RAB28: variants seen among roughly 807,000 people sequenced by gnomAD.
RAB28 encodes RAB28, member RAS oncogene family, also known as ras-related protein Rab-28.
In RAB28, 24 loss-of-function variants were observed where a neutral mutation model predicts 31.7. The observed-to-expected ratio is 0.76, with a 90% CI of 0.55 to 1.06. The LOEUF (loss-of-function observed/expected upper bound fraction) is 1.06. Ranked by LOEUF, RAB28 falls within the 50% of genes least tolerant of loss-of-function variation. The pLI, the probability that RAB28 is intolerant of heterozygous loss-of-function variation, is 0.00. For synonymous variants in RAB28, 100 were observed against 90.4 expected (o/e 1.11, Z -0.60); for missense variants, 254 against 258.5 (o/e 0.98, Z 0.12).
intron 4 of RAB28, among the ~76,000 whole-genome samples, chr4:13,450,441 C>T (rs914347428): frequency 6.6e-6 from 1 of 151,768 alleles, no homozygotes; most frequent in African/African-American, 2.4e-5. Context: ...TAATGGATTC[C>T]CTATATCTAC....
intron 6 of RAB28, among the ~76,000 whole-genome samples, chr4:13,373,354 G>T (rs1458751577): frequency 6.6e-6 from 1 of 152,130 alleles, no homozygotes; most frequent in Non-Finnish European, 1.5e-5. Context: ...AGAGGATAAT[G>T]GTTGGTAGTG....
chr4:13,484,183 T>TGG lies in RAB28; in HGVS notation c.-35_-34dup. ...CGGGAACCAGGCCCGCCCCTCGAGG[T>TGG]GGGGGGGGAAGGGAAGGATGAAGGC... On this transcript the variant is annotated 5_prime_UTR_variant, in exon 1 of 7. Coordinates refer to ENST00000330852, the MANE Select transcript of RAB28 (RefSeq NM_001017979.3). 7.5e-7 allele frequency: 1 copy of TGG among 1,341,818 alleles called. No individual in the cohort carries two copies. The highest frequency in any genetic ancestry group is 2.9e-5 in the East Asian group (1 of 34,586). The allele number at this position is 1,341,818 out of a possible 1,614,324, so 83.1% of individuals were successfully genotyped here. A position where few individuals can be genotyped will look rare whatever the true frequency, so the allele number is the denominator to read the frequency against.
chr4:13,467,497 A>G (rs1002357525), intron 3 of RAB28, among the ~76,000 whole-genome samples: 2 of 151,976 alleles, frequency 1.3e-5, no homozygotes, highest in African/African-American at 2.4e-5. Flanking sequence ...AAGTGAGATG[A>G]ATGACAGCCA....
At position 13,368,112 on chromosome 4, in the gene RAB28, A is replaced by T; in HGVS notation, c.*446T>A. On this transcript the variant is annotated 3_prime_UTR_variant, in exon 7 of 7. Transcript: ENST00000330852. Reference sequence around the variant, plus strand: ...AATGTCTTCATAAGTATCTGTAGGTAAAATATATTACTTGCTTAATGTTTG... The same window carrying T: ...AATGTCTTCATAAGTATCTGTAGGTTAAATATATTACTTGCTTAATGTTTG... The T allele has an allele frequency of 1.0e-6, 1 of 983,052 alleles. No homozygotes were observed. Among genetic ancestry groups the T allele is most frequent in the Non-Finnish European group, 1.2e-6 (1 of 827,738 alleles). The allele number at this position is 983,052 out of a possible 1,614,324, so 60.9% of individuals were successfully genotyped here. A position where few individuals can be genotyped will look rare whatever the true frequency, so the allele number is the denominator to read the frequency against.
chr4:13,427,019 CAGG>C (rs1368081079), intron 4 of RAB28, among the ~76,000 whole-genome samples: 4 of 152,088 alleles, frequency 2.6e-5, no homozygotes, highest in Admixed American at 6.6e-5. Context: ...TGCCTGAAAT[CAGG>C]AGGTGTATAG....
At chr4:13,457,601 AAAAAG>A (rs1715364373) in intron 4 of RAB28, among the ~76,000 whole-genome samples, 3 of 149,112 alleles carry the variant, frequency 2.0e-5, no homozygotes, top group South Asian at 2.1e-4. Context: ...CCAAAAGTAA[AAAAAG>A]AAAAAAGAAA....
At chr4:13,449,674 T>C (rs1714865301) in intron 4 of RAB28, among the ~76,000 whole-genome samples, 2 of 151,892 alleles carry the variant, frequency 1.3e-5, no homozygotes, top group South Asian at 2.1e-4. Flanking sequence ...GTCATGAAGA[T>C]TGTTTAAAAA....
At chr4:13,385,085 T>G (rs1219642152) in intron 4 of RAB28, among the ~76,000 whole-genome samples, 2 of 152,120 alleles carry the variant, frequency 1.3e-5, no homozygotes, top group Non-Finnish European at 2.9e-5. Context: ...GCAGAATAGA[T>G]CAACCTTAGG....
chr4:13,469,733 G>A (rs1488960161), intron 3 of RAB28, among the ~76,000 whole-genome samples: 1 of 151,970 alleles, frequency 6.6e-6, no homozygotes, highest in Non-Finnish European at 1.5e-5. Context: ...GTCTTGCTCT[G>A]TTCCCCAGGC....
chr4:13,374,865 A>G lies in RAB28; in HGVS notation c.573+1680T>C, dbSNP rs1728858722. ...TCATTTATTGCCCTACCTCAAAATG[A>G]TTATAGGTCTAATAAAATTAATCAA... On this transcript the variant is annotated intron_variant, in intron 6 of 6. Transcript: ENST00000330852. 2.0e-5 allele frequency among the ~76,000 whole-genome samples: 3 copies of G among 152,288 alleles called. No homozygotes were observed. The East Asian group carries it at 5.8e-4, about 29-fold the overall frequency.
At chr4:13,474,939 T>C (rs1196430739) in intron 2 of RAB28, among the ~76,000 whole-genome samples, 1 of 151,586 alleles carries the variant, frequency 6.6e-6, no homozygotes, top group Admixed American at 6.6e-5. Context: ...TACTATCGGA[T>C]ATGGCAAACA....
rs73819869 is a variant in RAB28, at chr4:13,448,183, T to C, written c.391+12516A>G. Among the ~76,000 whole-genome samples the C allele has an allele frequency of 7.7e-3, 1,175 of 152,252 alleles. 18 individuals carry two copies. Among genetic ancestry groups the C allele is most frequent in the African/African-American group, 0.027 (1,114 of 41,570 alleles). On this transcript the variant is annotated intron_variant, in intron 4 of 6. Coordinates refer to ENST00000330852, the MANE Select transcript of RAB28 (RefSeq NM_001017979.3). Reference sequence around the variant, plus strand: ...CACTGCAAATACAGACTAAAATACATTATTAAAGGGGCTTAAATTAATAAA... The same window carrying C: ...CACTGCAAATACAGACTAAAATACACTATTAAAGGGGCTTAAATTAATAAA...
At chr4:13,370,226 A>G in intron 6 of RAB28, 1 of 972,666 alleles carries the variant, frequency 1.0e-6, no homozygotes, top group Non-Finnish European at 1.2e-6. Context: ...ACTGAAATAG[A>G]TATGACCACT....
rs371466591 is a variant in RAB28, at chr4:13,418,277, T to C, written c.392-36683A>G. Among the ~76,000 whole-genome samples the C allele has an allele frequency of 2.7e-4, 41 of 152,338 alleles. 1 individual carries two copies. In the Middle Eastern group the frequency reaches 0.01, roughly 38 times the overall value. ...GTGAAAAGACCAAATCTACATTTGATTGGTGTACCTGAAAGTGATGGGGAG... is the reference window on the plus strand; with the variant it reads ...GTGAAAAGACCAAATCTACATTTGACTGGTGTACCTGAAAGTGATGGGGAG... On this transcript the variant is annotated intron_variant, in intron 4 of 6. Coordinates refer to ENST00000330852, the MANE Select transcript of RAB28 (RefSeq NM_001017979.3).
intron 3 of RAB28, among the ~76,000 whole-genome samples, chr4:13,463,474 T>C (rs1259163611): frequency 6.6e-6 from 1 of 152,158 alleles, no homozygotes; most frequent in Non-Finnish European, 1.5e-5. Context: ...TTAAGTATTA[T>C]CAATGGCTGC....
intron 4 of RAB28, among the ~76,000 whole-genome samples, chr4:13,447,283 G>C (rs1408169745): frequency 2.6e-5 from 4 of 152,092 alleles, no homozygotes; most frequent in Non-Finnish European, 4.4e-5. Flanking sequence ...ACCTTTGAAG[G>C]CTTTCCATCT....
chr4:13,464,093 AATG>A (rs756002142), intron 3 of RAB28, among the ~76,000 whole-genome samples: 63 of 152,102 alleles, frequency 4.1e-4, no homozygotes, highest in Non-Finnish European at 7.5e-4. Flanking sequence ...TAGTAACAGT[AATG>A]ATAATTTTGA....
Position 13,479,358 on chromosome 4 carries a change from A to G in RAB28, c.172+72T>C, listed in dbSNP as rs1389376413. ...TAGAAGCAGCCCCAAAATTTTACAC[A>G]TTTCTTTCTTATGCCACTTATTGTT... On this transcript the variant is annotated intron_variant, in intron 2 of 6. Coordinates refer to ENST00000330852, the MANE Select transcript of RAB28 (RefSeq NM_001017979.3). The G allele has an allele frequency of 6.0e-6, 7 of 1,158,812 alleles. No individual in the cohort carries two copies. In the African/African-American group the frequency reaches 9.4e-5, roughly 16 times the overall value. 71.8% of individuals were successfully genotyped at this position (1,158,812 alleles called of 1,614,324 possible). A position where few individuals can be genotyped will look rare whatever the true frequency, so the allele number is the denominator to read the frequency against.
At chr4:13,409,682 T>C (rs1471185036) in intron 4 of RAB28, among the ~76,000 whole-genome samples, 1 of 152,186 alleles carries the variant, frequency 6.6e-6, no homozygotes, top group African/African-American at 2.4e-5. Flanking sequence ...GGACTGACCC[T>C]CAAAGGGTCA....
Sources: allele counts gnomAD v4.1 joint callset (sites outside exome capture counted in the v4.1 genomes callset), GRCh38; gene constraint gnomAD v4.1.1; transcripts MANE v1.5; gene names NCBI Gene and HGNC (gene_info 2026-07-23, HGNC 2026-07-21).